ARHGAP20: variants seen among roughly 807,000 people sequenced by gnomAD.
The protein encoded by ARHGAP20 is Rho GTPase activating protein 20, also known as rho GTPase-activating protein 20.
ARHGAP20 carries 34 observed loss-of-function variants against 73.7 expected under a neutral mutation model. That is an observed-to-expected ratio of 0.46 (90% CI 0.35 to 0.61). The LOEUF is 0.61. ARHGAP20 is among the 20% of genes least tolerant of loss of function. ARHGAP20 has a pLI of 0.00. For synonymous variants in ARHGAP20, 523 were observed against 518.2 expected, an observed-to-expected ratio of 1.01 and a Z score of -0.13; for missense variants, 1,314 against 1,420.9, an observed-to-expected ratio of 0.92 and a Z score of 1.21.
At chr11:110,683,844 C>T (rs904660475) in intron 2 of ARHGAP20, among the ~76,000 whole-genome samples, 5 of 152,244 alleles carry the variant, frequency 3.3e-5, no homozygotes, top group African/African-American at 1.2e-4. Flanking sequence ...AGTTCAAATG[C>T]TGCAACTTAA....
intron 1 of ARHGAP20, among the ~76,000 whole-genome samples, chr11:110,691,250 A>G (rs1950236618): frequency 6.6e-6 from 1 of 152,174 alleles, no homozygotes; most frequent in Non-Finnish European, 1.5e-5. Flanking sequence ...CTAAAGTTGC[A>G]GTAAATGAAG....
intron 2 of ARHGAP20, among the ~76,000 whole-genome samples, chr11:110,670,527 G>A (rs1177774982): frequency 6.6e-6 from 1 of 151,962 alleles, no homozygotes; most frequent in African/African-American, 2.4e-5. Flanking sequence ...AGAAGAAACT[G>A]AATACTCACT....
chr11:110,647,234 AAC>A (rs1183517920), intron 2 of ARHGAP20, among the ~76,000 whole-genome samples: 1 of 152,038 alleles, frequency 6.6e-6, no homozygotes, highest in African/African-American at 2.4e-5. Flanking sequence ...TTTGGTTTGA[AAC>A]ACCTCTTAGA....
chr11:110,638,643 A>G (rs1949017198), intron 2 of ARHGAP20, among the ~76,000 whole-genome samples: 1 of 152,036 alleles, frequency 6.6e-6, no homozygotes, highest in East Asian at 1.9e-4. Context: ...AATGTGGCAC[A>G]TATACACCAT....
chr11:110,663,982 T>G (rs1949669211), intron 2 of ARHGAP20, among the ~76,000 whole-genome samples: 1 of 152,166 alleles, frequency 6.6e-6, no homozygotes, highest in Non-Finnish European at 1.5e-5. Flanking sequence ...AGTACAAATT[T>G]AAAAAGAAAA....
rs530888975 is a variant in ARHGAP20 at position 110,580,590 on chromosome 11, C to T, written c.2356G>A (p.Glu786Lys). The change falls in exon 15 of 15, where the codon GAA (glutamate) becomes AAA (lysine). Residue 786 changes from glutamate (E) to lysine (K), a missense_variant. Physicochemically the swap from Glu to Lys is moderately conservative, Grantham distance 56 (BLOSUM62 1). Around this residue, in one of 3 missense-constraint regions of ARHGAP20, gnomAD observed 641 missense variants for 636.9 expected, o/e 1.01. Transcript: ENST00000683387. ...NTKKKSLSGS[E>K]GNHVKLFPKS... ...GGGAAAAGTTTCACGTGATTTCCTT[C>T]ACTACCAGACAAGCTTTTCTTCTTA... The T allele has an allele frequency of 1.2e-6, 2 of 1,614,242 alleles. No homozygotes were observed. The highest frequency in any genetic ancestry group is 2.2e-5 in the East Asian group (1 of 44,886).
intron 13 of ARHGAP20, among the ~76,000 whole-genome samples, chr11:110,583,124 G>A (rs148930256): frequency 1.7e-3 from 253 of 152,326 alleles, no homozygotes; most frequent in African/African-American, 5.7e-3. Context: ...CTACAGGAGT[G>A]TGATTTCAAG....
intron 1 of ARHGAP20, among the ~76,000 whole-genome samples, chr11:110,692,233 T>TGCAAG (rs1324176449): frequency 6.6e-6 from 1 of 152,170 alleles, no homozygotes; most frequent in African/African-American, 2.4e-5. Flanking sequence ...GATAAGCATT[T>TGCAAG]GTATTGCAAG....
At chr11:110,711,821 A>G (rs1217524982) in intron 1 of ARHGAP20, 1 of 1,317,396 alleles carries the variant, frequency 7.6e-7, no homozygotes, top group South Asian at 2.1e-5. Context: ...CCGCGCGCCT[A>G]GACTGAGGGA....
intron 11 of ARHGAP20, chr11:110,589,577 C>A: frequency 1.0e-6 from 1 of 985,458 alleles, no homozygotes; most frequent in Non-Finnish European, 1.2e-6. Context: ...GAGCCTGACA[C>A]AGGTCTGCAG....
chr11:110,662,294 A>G (rs1157296258), intron 2 of ARHGAP20, among the ~76,000 whole-genome samples: 1 of 151,934 alleles, frequency 6.6e-6, no homozygotes, highest in African/African-American at 2.4e-5. Flanking sequence ...TGAACTATGT[A>G]AATGTCTACA....
At chr11:110,700,725 G>A (rs1950430094) in intron 1 of ARHGAP20, among the ~76,000 whole-genome samples, 1 of 145,788 alleles carries the variant, frequency 6.9e-6, no homozygotes, top group Non-Finnish European at 1.5e-5. Flanking sequence ...ATCTTCCAGT[G>A]CTATCCCTCC....
intron 9 of ARHGAP20, among the ~76,000 whole-genome samples, chr11:110,601,492 A>G (rs183729989): frequency 6.6e-6 from 1 of 152,362 alleles, no homozygotes; most frequent in East Asian, 1.9e-4. Flanking sequence ...GGTAGAATAT[A>G]GAGTCTTTAG....
At position 110,649,822 on chromosome 11, in the gene ARHGAP20, GT is replaced by G. The variant is rs528155653; in HGVS notation, c.189-19031del. Reference sequence around the variant, plus strand: ...CATAAAATTTTGGACAGAAGCAGCAGTTTTGACAGTACTTTTTAAAATCTAG... The same window carrying G: ...CATAAAATTTTGGACAGAAGCAGCAGTTTGACAGTACTTTTTAAAATCTAG... On this transcript the variant is annotated intron_variant, in intron 2 of 14. Coordinates refer to ENST00000683387, the MANE Select transcript of ARHGAP20 (RefSeq NM_001384657.1). Among the ~76,000 whole-genome samples, 587 of 152,180 alleles carry G rather than the reference GT, an allele frequency of 3.9e-3. 1 individual carries two copies. The highest frequency in any genetic ancestry group is 6.8e-3 in the Middle Eastern group (2 of 294).
rs149191738 is a variant in ARHGAP20, at chr11:110,618,655, T to C, written c.504-3061A>G. ...TGCAGTGATAGCGTATATGCAGTGA[T>C]AGCATATATGCAGTGATAGAGTATA... On this transcript the variant is annotated intron_variant, in intron 4 of 14. Coordinates refer to ENST00000683387, the MANE Select transcript of ARHGAP20 (RefSeq NM_001384657.1). Among the ~76,000 whole-genome samples, 292 of 151,982 alleles carry C rather than the reference T, an allele frequency of 1.9e-3. 1 individual carries two copies. In the South Asian group the frequency reaches 0.021, roughly 11 times the overall value.
Position 110,712,171 on chromosome 11 carries a change from G to T in ARHGAP20, c.61C>A (p.Leu21Met). ...CCCGCGAGCCGAGACACTCCTGTCA[G>T]GGAAGAGGAGCGCCCCGGCTGTCCC... Reference protein sequence around the residue: ...LGGQPGRSSSLTGVSRLAGGS... With the variant: ...LGGQPGRSSSMTGVSRLAGGS... Residue 21 changes from leucine to methionine, a missense_variant, in exon 1 of 15, where the codon CTG becomes ATG. By Grantham distance (15) the Leu-to-Met change is conservative. Coordinates refer to ENST00000683387, the MANE Select transcript of ARHGAP20 (RefSeq NM_001384657.1). 1 of 1,370,066 alleles carries T rather than the reference G, an allele frequency of 7.3e-7. No homozygotes were observed. Among genetic ancestry groups the T allele is most frequent in the Non-Finnish European group, 9.5e-7 (1 of 1,055,876 alleles). 84.9% of individuals were successfully genotyped at this position (1,370,066 alleles called of 1,614,324 possible).
chr11:110,694,345 T>C (rs181742734), intron 1 of ARHGAP20, among the ~76,000 whole-genome samples: 57 of 151,908 alleles, frequency 3.8e-4, no homozygotes, highest in Admixed American at 3.2e-3. Flanking sequence ...ATTAGGTTGG[T>C]GTACAAGTAA....
Position 110,579,676 on chromosome 11 carries a change from T to C in ARHGAP20, c.3270A>G (p.Gln1090=), listed in dbSNP as rs758149438. The change falls in exon 15 of 15, where the codon CAA becomes CAG. Residue 1090 remains glutamine (Q), a synonymous_variant. Transcript: ENST00000683387. The part of the protein sequence containing the change: ...VPEANSLQEE[Q]KDLPLRAAEG... ...CAGCTGCCCTTAAGGGCAAGTCTTT[T>C]TGTTCCTCTTGCAGTGAGTTGGCTT... is the stretch of plus-strand genomic sequence containing the variant. 5.0e-6 allele frequency: 8 copies of C among 1,614,200 alleles called. 1 individual carries two copies. The South Asian group carries it at 8.8e-5, about 18-fold the overall frequency.
intron 8 of ARHGAP20, among the ~76,000 whole-genome samples, chr11:110,607,008 A>G (rs532178808): frequency 2.6e-5 from 4 of 152,290 alleles, no homozygotes; most frequent in African/African-American, 9.6e-5. Context: ...GAATGCACAG[A>G]TCAGTTTGCG....
Sources: gnomAD v4.1 joint callset for allele counts (sites outside exome capture counted in the v4.1 genomes callset) on GRCh38, gnomAD v4.1.1 for gene constraint, gnomAD v4.1.1 regional missense constraint, MANE v1.5 for transcripts, NCBI Gene and HGNC (gene_info 2026-07-23, HGNC 2026-07-21) for gene names.